Variants in GNL3L observed in about 807,000 individuals in gnomAD.
GNL3L encodes G protein nucleolar 3 like, also known as guanine nucleotide-binding protein-like 3-like protein.
GNL3L carries 4 observed loss-of-function variants against 42.9 expected under a neutral mutation model. That is an observed-to-expected ratio of 0.09 (90% confidence interval 0.05 to 0.21). GNL3L has a LOEUF of 0.21. Ranked by LOEUF, GNL3L falls within the 10% of genes least tolerant of loss-of-function variation. The probability of loss-of-function intolerance (pLI) is 1.00; values close to 1 mark genes in which losing one functional copy is unlikely to be tolerated. For missense variants in GNL3L, 412 were observed against 481.7 expected, an observed-to-expected ratio of 0.86 and a Z score of 1.36; for synonymous variants, 159 against 176.3, an observed-to-expected ratio of 0.90 and a Z score of 0.78.
At chrX:54,615,255 TC>T (rs1228208832) in intron 16 of GNL3L, among the ~76,000 whole-genome samples, 2 of 112,461 alleles carry the variant, frequency 1.8e-5, no homozygotes, top group Non-Finnish European at 3.7e-5. Context: ...AGTTTTTCAT[TC>T]CTTTTCATGG....
At chrX:54,616,400 CTTTCA>C (rs1926220719) in intron 16 of GNL3L, among the ~76,000 whole-genome samples, 1 of 111,927 alleles carries the variant, frequency 8.9e-6, no homozygotes, top group African/African-American at 3.2e-5. Context: ...TTGGAATTGC[CTTTCA>C]TTTCATGGTT....
intron 4 of GNL3L, among the ~76,000 whole-genome samples, 196 bp downstream of exon 4, chrX:54,540,438 T>C (rs1320926538): frequency 8.9e-6 from 1 of 112,117 alleles, no homozygotes; most frequent in Non-Finnish European, 1.9e-5. Context: ...GCTGTCTGGC[T>C]TATGCTTCCA....
At chrX:54,596,007 A>G (rs1290535213) in intron 16 of GNL3L, among the ~76,000 whole-genome samples, 1 of 112,271 alleles carries the variant, frequency 8.9e-6, no homozygotes, top group Non-Finnish European at 1.9e-5. Context: ...TCTGATATCC[A>G]GCATTGGTGC....
At chrX:54,584,325 C>T (rs905290242) in intron 16 of GNL3L, among the ~76,000 whole-genome samples, 3 of 110,421 alleles carry the variant, frequency 2.7e-5, no homozygotes, top group African/African-American at 9.9e-5. Context: ...AGCACTGCTC[C>T]CGGCCATATT....
intron 16 of GNL3L, among the ~76,000 whole-genome samples, chrX:54,602,036 T>A (rs1288091781): frequency 8.9e-6 from 1 of 111,777 alleles, no homozygotes; most frequent in African/African-American, 3.2e-5. Context: ...TGAATGGACT[T>A]CTTAAAACAT....
intron 16 of GNL3L, among the ~76,000 whole-genome samples, chrX:54,599,536 A>G (rs181954891): frequency 1.5e-4 from 17 of 111,314 alleles, no homozygotes; most frequent in African/African-American, 5.5e-4. Context: ...CAGCAGTTTG[A>G]CCATGGTAAG....
At chrX:54,539,125 G>A (rs755395308) in intron 3 of GNL3L, 24 bp downstream of exon 3, 7 of 926,653 alleles carry the variant, frequency 7.6e-6, no homozygotes. Flanking sequence ...GTTGTTGAGG[G>A]TAAGGTCAAG....
intron 9 of GNL3L, among the ~76,000 whole-genome samples, chrX:54,550,048 A>G (rs1924887495): frequency 9.1e-6 from 1 of 110,368 alleles, no homozygotes; most frequent in South Asian, 3.9e-4. Flanking sequence ...ATCAGAGAGA[A>G]AAGAACAATG....
At chrX:54,630,029 T>C in the GNL3L span, among the ~76,000 whole-genome samples, 1 of 111,453 alleles carries the variant, frequency 9.0e-6, no homozygotes, top group African/African-American at 3.3e-5. Context: ...CTAAGTTTTC[T>C]AGTTTGTGCA....
intron 3 of GNL3L, among the ~76,000 whole-genome samples, chrX:54,539,871 C>T (rs1276692755): frequency 8.9e-6 from 1 of 111,761 alleles, no homozygotes; most frequent in Non-Finnish European, 1.9e-5. Flanking sequence ...GAGAGGACCT[C>T]TACCCAGCCA....
intron 16 of GNL3L, among the ~76,000 whole-genome samples, chrX:54,617,854 T>C (rs1728700784): frequency 9.0e-6 from 1 of 111,457 alleles, no homozygotes; most frequent in South Asian, 3.8e-4. Flanking sequence ...CTGTAAGAAA[T>C]ACGTTTCTGT....
At chrX:54,550,845 A>G in intron 9 of GNL3L, 118 bp from the exon 10 acceptor site, 1 of 483,235 alleles carries the variant, frequency 2.1e-6, no homozygotes, top group Non-Finnish European at 3.6e-6. Context: ...GGTCAGGCTC[A>G]ATTTTTTGGC....
At chrX:54,534,497 A>G (rs967789248) in intron 2 of GNL3L, among the ~76,000 whole-genome samples, 12 of 111,511 alleles carry the variant, frequency 1.1e-4, no homozygotes, top group Non-Finnish European at 1.9e-4. Context: ...GTGGGTGTAC[A>G]GGGACATCTG....
intron 16 of GNL3L, among the ~76,000 whole-genome samples, chrX:54,596,838 T>C (rs1268597248): frequency 1.8e-5 from 2 of 111,777 alleles, no homozygotes; most frequent in Admixed American, 9.4e-5. Context: ...ACTGTCACCA[T>C]AGGCCCATTG....
At chrX:54,617,744 G>A (rs765941591) in intron 16 of GNL3L, among the ~76,000 whole-genome samples, 1 of 111,946 alleles carries the variant, frequency 8.9e-6, no homozygotes, top group Non-Finnish European at 1.9e-5. Flanking sequence ...CCCTTCCACT[G>A]TGTGAGAACA....
chrX:54,531,651 G>A (rs1330619288), intron 1 of GNL3L, among the ~76,000 whole-genome samples: 1 of 111,499 alleles, frequency 9.0e-6, no homozygotes, highest in Non-Finnish European at 1.9e-5. Flanking sequence ...GCTCACTGCA[G>A]GTAAGGTGCA....
Position 54,550,658 on chromosome X carries a change from T to C in GNL3L, c.776-305T>C, listed in dbSNP as rs138051509. On this transcript the variant is annotated intron_variant, in intron 9 of 15. Coordinates refer to ENST00000360845, the MANE Select transcript of GNL3L (RefSeq NM_001184819.2). ...TAGACATTTCTCGATGTCCACCTTC[T>C]GTTGGATTGTGCCACTGAGGCCTTG... is the stretch of plus-strand genomic sequence containing the variant. 5.1e-3 allele frequency among the ~76,000 whole-genome samples: 574 copies of C among 111,952 alleles called. 3 individuals carry two copies. The highest frequency in any genetic ancestry group is 0.017 in the African/African-American group (537 of 30,822).
chrX:54,576,307 A>G (rs1925633885), intron 16 of GNL3L, among the ~76,000 whole-genome samples: 1 of 110,981 alleles, frequency 9.0e-6, no homozygotes, highest in Admixed American at 9.6e-5. Flanking sequence ...TTTGAAGTCT[A>G]TTTTGTTTCA....
At chrX:54,576,686 G>C (rs1230846890) in intron 16 of GNL3L, among the ~76,000 whole-genome samples, 1 of 110,445 alleles carries the variant, frequency 9.1e-6, no homozygotes, top group Non-Finnish European at 1.9e-5. Flanking sequence ...GGCTGGTCTT[G>C]AACTCCTGAC....
Sources: gnomAD v4.1 joint callset for allele counts (sites outside exome capture counted in the v4.1 genomes callset) on GRCh38, gnomAD v4.1.1 for gene constraint, MANE v1.5 for transcripts, NCBI Gene and HGNC (gene_info 2026-07-23, HGNC 2026-07-21) for gene names.